Variants in EPB41L2 observed in about 807,000 individuals in gnomAD.
EPB41L2 encodes the protein erythrocyte membrane protein band 4.1 like 2.
Under a neutral mutation model 113.0 loss-of-function variants are expected in EPB41L2, and 43 were observed. The ratio of observed to expected loss-of-function variants is 0.38; its 90% CI spans 0.30 to 0.49. The LOEUF (loss-of-function observed/expected upper bound fraction) is 0.49, where lower values mean the gene tolerates loss of function less well. EPB41L2 is among the 20% of genes least tolerant of loss of function. The pLI, the probability that EPB41L2 is intolerant of heterozygous loss-of-function variation, is 0.95. For synonymous variants in EPB41L2, 442 were observed against 436.7 expected, an observed-to-expected ratio of 1.01 and a Z score of -0.15; for missense variants, 1,147 against 1,223.4, an observed-to-expected ratio of 0.94 and a Z score of 0.93.
chr6:131,040,255 T>C lies in EPB41L2; in HGVS notation c.-15+22900A>G, dbSNP rs759649698. On this transcript the variant is annotated intron_variant, in intron 1 of 19. Transcript: ENST00000337057. ...GGATTCGAGACCAGCCTGGCCAACA[T>C]GGCGAAACCCCATCTCTACTAAAAA... Among the ~76,000 whole-genome samples, 99 of 152,136 alleles carry C rather than the reference T, an allele frequency of 6.5e-4. 1 individual carries two copies. The highest frequency in any genetic ancestry group is 2.0e-4 in the Admixed American group (3 of 15,274).
At chr6:130,909,187 T>C (rs893001910) in intron 4 of EPB41L2, among the ~76,000 whole-genome samples, 31 of 152,194 alleles carry the variant, frequency 2.0e-4, no homozygotes, top group Non-Finnish European at 4.3e-4. Context: ...TGCCAACAAA[T>C]AGCCCCTGCA....
rs1454443280 is a variant in EPB41L2, at chr6:130,885,280, T to A, written c.1661-12A>T. 2 of 1,613,674 alleles carry A rather than the reference T, an allele frequency of 1.2e-6. No individual in the cohort carries two copies. The highest frequency in any genetic ancestry group is 2.2e-5 in the South Asian group (2 of 91,052). On this transcript the variant is annotated splice_polypyrimidine_tract_variant and intron_variant, in intron 11 of 19. Transcript: ENST00000337057. The stretch of plus-strand genomic sequence containing the variant: ...GACACCAATCGGAGCTAGTAAAGAG[T>A]GACAATTTTGGATTATTTTAGGACA...
intron 11 of EPB41L2, among the ~76,000 whole-genome samples, chr6:130,885,959 C>T (rs1231187668): frequency 6.6e-6 from 1 of 152,130 alleles, no homozygotes; most frequent in Admixed American, 6.5e-5. Flanking sequence ...CAGAAATGTA[C>T]ATTGTATTGA....
At chr6:131,060,302 C>T (rs972331230) in intron 1 of EPB41L2, among the ~76,000 whole-genome samples, 1 of 152,206 alleles carries the variant, frequency 6.6e-6, no homozygotes, top group Non-Finnish European at 1.5e-5. Flanking sequence ...AGTTCACCAG[C>T]CACAGTAATA....
intron 10 of EPB41L2, among the ~76,000 whole-genome samples, chr6:130,894,016 A>G (rs1465513355): frequency 1.3e-5 from 2 of 152,134 alleles, no homozygotes; most frequent in African/African-American, 4.8e-5. Flanking sequence ...GTTATAAATG[A>G]CAATGCATGG....
chr6:131,021,992 T>C (rs1789626460), intron 1 of EPB41L2, among the ~76,000 whole-genome samples: 1 of 152,172 alleles, frequency 6.6e-6, no homozygotes, highest in Admixed American at 6.5e-5. Flanking sequence ...ACATTTATTG[T>C]GCACTTTAAT....
intron 1 of EPB41L2, among the ~76,000 whole-genome samples, chr6:130,993,447 G>C (rs531909834): frequency 1.3e-5 from 2 of 152,266 alleles, no homozygotes; most frequent in South Asian, 4.2e-4. Context: ...AACACAAGGC[G>C]GTGTGTAGCA....
At chr6:130,973,225 C>T (rs1247437143) in intron 1 of EPB41L2, among the ~76,000 whole-genome samples, 2 of 151,908 alleles carry the variant, frequency 1.3e-5, no homozygotes. Context: ...GTTTCCATGG[C>T]ACCTCTGAAG....
intron 4 of EPB41L2, among the ~76,000 whole-genome samples, chr6:130,925,190 C>CTCT (rs1449332180): frequency 1.5e-5 from 2 of 130,436 alleles, no homozygotes; most frequent in African/African-American, 6.0e-5. Flanking sequence ...GATTTCTTTT[C>CTCT]TTTTTTTTTT....
chr6:130,918,453 C>T (rs897571643), intron 4 of EPB41L2, among the ~76,000 whole-genome samples: 2 of 152,078 alleles, frequency 1.3e-5, no homozygotes, highest in African/African-American at 4.8e-5. Flanking sequence ...TTCATTTAGA[C>T]ATGAATACAA....
chr6:130,956,262 G>A lies in EPB41L2; in HGVS notation c.224C>T (p.Ser75Phe). The part of the protein sequence containing the change: ...EKETSESRGI[S>F]RFIPPWLKKQ... ...CTTAAGCCATGGCGGTATGAACCGA[G>A]AAATACCCCTGCTCTCCGATGTTTC... Residue 75 changes from serine (S) to phenylalanine (F), a missense_variant, in exon 2 of 20, where the codon TCT becomes TTT. Ser to Phe is a radical substitution (Grantham distance 155). Transcript: ENST00000337057. The A allele has an allele frequency of 1.2e-6, 2 of 1,614,160 alleles. No individual in the cohort carries two copies. Among genetic ancestry groups the A allele is most frequent in the Non-Finnish European group, 8.5e-7 (1 of 1,180,028 alleles).
chr6:130,923,606 C>G (rs1184476620), intron 4 of EPB41L2, among the ~76,000 whole-genome samples: 1 of 152,206 alleles, frequency 6.6e-6, no homozygotes. Flanking sequence ...GCTTAAGGAT[C>G]ACTTCCTCCT....
intron 4 of EPB41L2, among the ~76,000 whole-genome samples, chr6:130,916,481 T>C (rs540549008): frequency 6.6e-6 from 1 of 152,342 alleles, no homozygotes; most frequent in South Asian, 2.1e-4. Flanking sequence ...ATTCATAGAA[T>C]ACCAGTGTTA....
chr6:130,941,363 G>A (rs1810825949), intron 3 of EPB41L2, among the ~76,000 whole-genome samples: 1 of 152,146 alleles, frequency 6.6e-6, no homozygotes, highest in Non-Finnish European at 1.5e-5. Flanking sequence ...GACTATAACT[G>A]TTAGATAATA....
At chr6:131,013,875 T>A (rs1019420894) in intron 1 of EPB41L2, among the ~76,000 whole-genome samples, 2 of 152,160 alleles carry the variant, frequency 1.3e-5, no homozygotes, top group African/African-American at 4.8e-5. Flanking sequence ...AATCAGCTCA[T>A]AAAGTGTGCC....
At chr6:130,988,447 A>G (rs537439036) in intron 1 of EPB41L2, among the ~76,000 whole-genome samples, 2 of 152,330 alleles carry the variant, frequency 1.3e-5, no homozygotes, top group South Asian at 4.1e-4. Flanking sequence ...TGCTACTAGT[A>G]TTAATCTCAA....
At chr6:130,992,581 C>G (rs528842213) in intron 1 of EPB41L2, among the ~76,000 whole-genome samples, 22 of 152,142 alleles carry the variant, frequency 1.4e-4, no homozygotes, top group Middle Eastern at 3.4e-3. Flanking sequence ...TGGGGACTCG[C>G]TTTGTTGTCC....
chr6:130,911,596 AG>A (rs1167590482), intron 4 of EPB41L2, among the ~76,000 whole-genome samples: 2 of 152,180 alleles, frequency 1.3e-5, no homozygotes, highest in Non-Finnish European at 2.9e-5. Flanking sequence ...ACAACAAAAA[AG>A]AAAGCTTTAA....
chr6:131,029,431 T>G (rs186177885), intron 1 of EPB41L2, among the ~76,000 whole-genome samples: 1 of 145,534 alleles, frequency 6.9e-6, no homozygotes, highest in African/African-American at 2.5e-5. Context: ...TTAATTCCAC[T>G]AGTCAAATTC....
Sources: gnomAD v4.1 joint callset for allele counts (sites outside exome capture counted in the v4.1 genomes callset) on GRCh38, gnomAD v4.1.1 for gene constraint, MANE v1.5 for transcripts, NCBI Gene and HGNC (gene_info 2026-07-23, HGNC 2026-07-21) for gene names.